MREG: variants seen among roughly 807,000 people sequenced by gnomAD.
MREG encodes dilute suppressor protein homolog.
Under a neutral mutation model 28.5 loss-of-function variants are expected in MREG, and 31 were observed. The observed-to-expected ratio is 1.09, with a 90% CI of 0.82 to 1.47. MREG has a LOEUF of 1.47. Ranked by LOEUF, MREG falls within the 40% of genes most tolerant of loss-of-function variation. The pLI is 0.00. For synonymous variants in MREG, 106 were observed against 95.2 expected, an observed-to-expected ratio of 1.11 and a Z score of -0.66; for missense variants, 256 against 257.4, an observed-to-expected ratio of 0.99 and a Z score of 0.04.
intron 1 of MREG, among the ~76,000 whole-genome samples, chr2:216,031,417 G>A (rs200969021): frequency 0.12 from 16,072 of 132,076 alleles, 1,178 homozygotes; most frequent in South Asian, 0.21. Context: ...AGGAAGAAAG[G>A]AAGAAAGAAA....
rs760384284 is a variant in MREG at position 215,944,901 on chromosome 2, G to A, written c.607C>T (p.Gln203Ter). The A allele has an allele frequency of 1.2e-6, 2 of 1,607,444 alleles. No homozygotes were observed. Among genetic ancestry groups the A allele is most frequent in the Non-Finnish European group, 1.7e-6 (2 of 1,174,586 alleles). Residue 203 changes from glutamine (Q) to a stop codon, truncating the protein, a stop_gained, in exon 5 of 5, where the codon CAG becomes TAG. Coordinates refer to ENST00000263268, the MANE Select transcript of MREG (RefSeq NM_018000.3). LOFTEE classifies it high-confidence loss of function. ...KPGVPCLADG[Q>*]KELHYLPFPS... Reference sequence around the variant, plus strand: ...AACGGAAGGTAGTGCAGTTCTTTCTGGCCATCTGCCAGGCATGGAACCCCA... The same window carrying A: ...AACGGAAGGTAGTGCAGTTCTTTCTAGCCATCTGCCAGGCATGGAACCCCA...
chr2:215,959,264 T>A (rs144943273), intron 2 of MREG, among the ~76,000 whole-genome samples: 1 of 152,278 alleles, frequency 6.6e-6, no homozygotes, highest in East Asian at 1.9e-4. Flanking sequence ...TGGCTCCAGG[T>A]CTCAGTTTCC....
intron 2 of MREG, among the ~76,000 whole-genome samples, chr2:215,966,038 C>A (rs1423553432): frequency 6.6e-6 from 1 of 152,042 alleles, no homozygotes; most frequent in African/African-American, 2.4e-5. Context: ...ATGTAGCCAA[C>A]AAAATAATGA....
chr2:215,997,005 TCTTGGCCTCAAGTGATCTGTCCAC>T (rs1438703103), intron 1 of MREG, among the ~76,000 whole-genome samples: 13 of 152,276 alleles, frequency 8.5e-5, no homozygotes, highest in African/African-American at 3.1e-4. Flanking sequence ...GGTCTTGAAC[TCTTGGCCTCAAGTGATCTGTCCAC>T]CTTGGCCTCC....
chr2:216,030,515 T>C (rs180974959), intron 1 of MREG, among the ~76,000 whole-genome samples: 2 of 152,262 alleles, frequency 1.3e-5, no homozygotes, highest in East Asian at 3.9e-4. Flanking sequence ...AATCACCTAA[T>C]AAATGCTAGC....
At chr2:215,961,240 C>T (rs573172011) in intron 2 of MREG, among the ~76,000 whole-genome samples, 100 of 152,340 alleles carry the variant, frequency 6.6e-4, no homozygotes, top group Non-Finnish European at 1.0e-3. Flanking sequence ...TTGGATGTCT[C>T]ACCACTCTGG....
chr2:215,940,135 G>C (rs970898046), downstream of MREG, among the ~76,000 whole-genome samples: 1 of 152,172 alleles, frequency 6.6e-6, no homozygotes, highest in South Asian at 2.1e-4. Context: ...CCACAACCCA[G>C]TGTTCTAAAT....
downstream of MREG, among the ~76,000 whole-genome samples, chr2:215,940,982 G>C (rs571131645): frequency 1.3e-5 from 2 of 152,308 alleles, no homozygotes; most frequent in South Asian, 4.1e-4. Flanking sequence ...AGCTGACCTT[G>C]TCTTAGTCTA....
chr2:215,964,305 G>A (rs2105983160), intron 2 of MREG, among the ~76,000 whole-genome samples: 1 of 152,184 alleles, frequency 6.6e-6, no homozygotes, highest in South Asian at 2.1e-4. Flanking sequence ...CCAACATGGT[G>A]AAACCCTGTC....
chr2:216,014,856 TAA>T (rs1228448578), upstream of MREG, among the ~76,000 whole-genome samples: 1 of 152,326 alleles, frequency 6.6e-6, no homozygotes, highest in African/African-American at 2.4e-5. Context: ...AGGTTCAATC[TAA>T]AGTTTTGTCT....
chr2:216,004,705 C>A (rs996361167), intron 1 of MREG, among the ~76,000 whole-genome samples: 3 of 152,184 alleles, frequency 2.0e-5, no homozygotes, highest in Non-Finnish European at 4.4e-5. Flanking sequence ...CACAGACAAG[C>A]TCCTAACATT....
At chr2:216,023,271 CTT>C (rs1283339602) in intron 1 of MREG, among the ~76,000 whole-genome samples, 2 of 152,224 alleles carry the variant, frequency 1.3e-5, no homozygotes, top group Admixed American at 6.5e-5. Flanking sequence ...ACTGCAGTCT[CTT>C]TGGAGATGGG....
At chr2:215,945,878 T>C in intron 3 of MREG, 144 bp from the exon 4 acceptor site, 1 of 610,064 alleles carries the variant, frequency 1.6e-6, no homozygotes, top group South Asian at 2.8e-5. Context: ...CCAAAGGTAC[T>C]ATTCCATGTG....
At chr2:215,973,118 T>A (rs1220297688) in intron 2 of MREG, among the ~76,000 whole-genome samples, 1 of 152,152 alleles carries the variant, frequency 6.6e-6, no homozygotes, top group African/African-American at 2.4e-5. Context: ...TGGATGACCC[T>A]GGAGAAGGGG....
chr2:215,957,834 T>C (rs4674045), intron 2 of MREG, among the ~76,000 whole-genome samples: 4 of 151,826 alleles, frequency 2.6e-5, no homozygotes, highest in Admixed American at 2.6e-4. Flanking sequence ...CTATTCACAA[T>C]AGCAAAGACT....
chr2:216,025,725 T>A (rs1694585439), intron 1 of MREG, among the ~76,000 whole-genome samples: 1 of 152,214 alleles, frequency 6.6e-6, no homozygotes, highest in Non-Finnish European at 1.5e-5. Flanking sequence ...GCTAGGGCCG[T>A]GTCGGGCAAC....
chr2:215,996,610 T>C, intron 1 of MREG, 145 bp from the exon 2 acceptor site: 1 of 612,034 alleles, frequency 1.6e-6, no homozygotes. Context: ...TTGTCTTTAA[T>C]AATTAAGCAT....
upstream of MREG, among the ~76,000 whole-genome samples, chr2:216,016,242 G>A (rs560754163): frequency 6.6e-6 from 1 of 152,300 alleles, no homozygotes; most frequent in African/African-American, 2.4e-5. Context: ...CAAGATGGAG[G>A]CTGAGTGTGG....
rs1439674376 is a variant in MREG at position 215,952,152 on chromosome 2, CT to C, written c.256-5040del. ...CATTGCAATATATTTACCAAATTAT[CT>C]TTATCCATTCATTCATCCATAAACA... On this transcript the variant is annotated intron_variant, in intron 2 of 4. Coordinates refer to ENST00000263268, the MANE Select transcript of MREG (RefSeq NM_018000.3). Among the ~76,000 whole-genome samples the C allele has an allele frequency of 2.0e-5, 3 of 152,302 alleles. No homozygotes were observed. In the East Asian group the frequency reaches 5.8e-4, roughly 29 times the overall value.
Sources: gnomAD v4.1 joint callset for allele counts (sites outside exome capture counted in the v4.1 genomes callset) on GRCh38, gnomAD v4.1.1 for gene constraint, MANE v1.5 for transcripts, NCBI Gene and HGNC (gene_info 2026-07-23, HGNC 2026-07-21) for gene names.